BEGAIN: variants seen among roughly 807,000 people sequenced by gnomAD.
BEGAIN encodes the protein brain-enriched guanylate kinase-associated protein.
A neutral mutation model predicts 35.8 loss-of-function variants in BEGAIN; 19 were observed. The observed-to-expected ratio is 0.53, with a 90% CI of 0.37 to 0.78. BEGAIN has a LOEUF of 0.78. Among genes scored for constraint, BEGAIN ranks in the 30% least tolerant of loss-of-function variants. BEGAIN has a pLI of 0.00. For missense variants in BEGAIN, 795 were observed against 853.6 expected (o/e 0.93, Z 0.85); for synonymous variants, 462 against 388.6 (o/e 1.19, Z -2.22).
At position 100,568,779 on chromosome 14, in the gene BEGAIN, C is replaced by T. The variant is rs182142887; in HGVS notation, c.43-840G>A. On this transcript the variant is annotated intron_variant, in intron 1 of 6. Coordinates refer to ENST00000554140, the MANE Select transcript of BEGAIN (RefSeq NM_001385089.1). This position sits in a 1 kb window ranked among gnomAD's most constrained non-coding sequence, Gnocchi z 7.5. ...CGCACTTCCTGCGTGGAGCTGGGGG[C>T]GCCGGGCGGGCTCTCTATCACCCGG... The T allele has an allele frequency of 9.2e-4, 752 of 815,816 alleles. 8 individuals carry two copies. In the African/African-American group the frequency reaches 0.014, roughly 15 times the overall value. The allele number at this position is 815,816 out of a possible 1,614,324, so 50.5% of individuals were successfully genotyped here. A position where few individuals can be genotyped will look rare whatever the true frequency, so the allele number is the denominator to read the frequency against.
chr14:100,554,120 G>A (rs2081017703), intron 2 of BEGAIN, among the ~76,000 whole-genome samples: 2 of 152,200 alleles, frequency 1.3e-5, no homozygotes. Flanking sequence ...TGAGCTCCAG[G>A]GCCCCTGGTG....
intron 2 of BEGAIN, chr14:100,546,970 C>A: frequency 3.8e-6 from 1 of 263,424 alleles, no homozygotes; most frequent in Non-Finnish European, 7.3e-6. Flanking sequence ...AGTCTTTGAC[C>A]CCAGAACCTG....
Position 100,573,200 on chromosome 14 carries a change from A to T in BEGAIN, c.43-5261T>A, listed in dbSNP as rs530677220. Reference sequence around the variant, plus strand: ...TGAGTCTGGGGGGAGGGGCTTCCGGAGGAGGGGGCTGGTGAGTCTGGGGGG... The same window carrying T: ...TGAGTCTGGGGGGAGGGGCTTCCGGTGGAGGGGGCTGGTGAGTCTGGGGGG... On this transcript the variant is annotated intron_variant, in intron 1 of 6. Coordinates refer to ENST00000554140, the MANE Select transcript of BEGAIN (RefSeq NM_001385089.1). The surrounding 1 kb of genome is among the most constrained non-coding windows in gnomAD (Gnocchi z 4.2). Among the ~76,000 whole-genome samples, 1 of 113,014 alleles carries T rather than the reference A, an allele frequency of 8.8e-6. No individual in the cohort carries two copies. The highest frequency in any genetic ancestry group is 1.8e-5 in the Non-Finnish European group (1 of 54,658). The allele number at this position is 113,014 out of a possible 152,430, so 74.1% of individuals were successfully genotyped here. A position where few individuals can be genotyped will look rare whatever the true frequency, so the allele number is the denominator to read the frequency against.
intron 2 of BEGAIN, among the ~76,000 whole-genome samples, chr14:100,556,195 G>A (rs1159687153): frequency 6.6e-6 from 1 of 152,038 alleles, no homozygotes; most frequent in Non-Finnish European, 1.5e-5. Context: ...TCCTTCACTG[G>A]CCACACCTCT....
intron 1 of BEGAIN, among the ~76,000 whole-genome samples, chr14:100,571,673 C>T (rs1357467019): frequency 6.6e-6 from 1 of 152,132 alleles, no homozygotes; most frequent in Admixed American, 6.5e-5. Flanking sequence ...TCTGTGCCAC[C>T]TGTCAGGCCT....
chr14:100,570,967 A>C (rs543796258), intron 1 of BEGAIN, among the ~76,000 whole-genome samples: 1 of 152,184 alleles, frequency 6.6e-6, no homozygotes, highest in African/African-American at 2.4e-5. Flanking sequence ...GGGGGCCATG[A>C]GGATGAGGAG....
rs2035136418 is a variant in BEGAIN, at chr14:100,573,537, AC to A, written c.43-5599del. On this transcript the variant is annotated intron_variant, in intron 1 of 6. Transcript: ENST00000554140. This position sits in a 1 kb window ranked among gnomAD's most constrained non-coding sequence, Gnocchi z 4.2. ...CTGTGTGGAGAGGGGCAAGTGCAGG[AC>A]CCCAGGGCATCCAGCCAGGCCCACG... Among the ~76,000 whole-genome samples, 1 of 151,952 alleles carries A rather than the reference AC, an allele frequency of 6.6e-6. No individual in the cohort carries two copies. Among genetic ancestry groups the A allele is most frequent in the Non-Finnish European group, 1.5e-5 (1 of 67,962 alleles).
chr14:100,552,447 A>G (rs2033297853), intron 2 of BEGAIN, among the ~76,000 whole-genome samples: 1 of 152,240 alleles, frequency 6.6e-6, no homozygotes, highest in South Asian at 2.1e-4. Context: ...GAAGTTAAGC[A>G]ACAGGCCCAA....
chr14:100,583,656 T>C (rs2035369442), intron 1 of BEGAIN, among the ~76,000 whole-genome samples: 1 of 150,726 alleles, frequency 6.6e-6, no homozygotes, highest in South Asian at 2.1e-4. Context: ...CTTTTCTTTT[T>C]TTCTTTCTTT....
rs2030993174 is a variant in BEGAIN at position 100,538,601 on chromosome 14, C to T, written c.1207G>A (p.Ala403Thr). 2 of 1,548,556 alleles carry T rather than the reference C, an allele frequency of 1.3e-6. No individual in the cohort carries two copies. Among genetic ancestry groups the T allele is most frequent in the Non-Finnish European group, 1.7e-6 (2 of 1,146,092 alleles). The change falls in exon 7 of 7, where the codon GCC becomes ACC. Residue 403 changes from alanine to threonine, a missense_variant. Transcript: ENST00000554140. ...AGGGCCTGCTGGGGACCCGGAGAGG[C>T]CGGGAAGCGGAAGGTCTCGGCCGGG... ...PYPAETFRFP[A>T]SPGPQQALMP...
chr14:100,559,275 G>A (rs1486487462), intron 2 of BEGAIN, among the ~76,000 whole-genome samples: 1 of 152,118 alleles, frequency 6.6e-6, no homozygotes, highest in Non-Finnish European at 1.5e-5. Flanking sequence ...ACCACTGATC[G>A]CTACTCCCTC....
chr14:100,573,059 G>C lies in BEGAIN; in HGVS notation c.43-5120C>G, dbSNP rs2035119937. On this transcript the variant is annotated intron_variant, in intron 1 of 6. Transcript: ENST00000554140. This position sits in a 1 kb window ranked among gnomAD's most constrained non-coding sequence, Gnocchi z 4.2. ...CGACGGGGATATGTGTACAGAGAAGGATGGGAGGCAGGGTGGGGCAGGAAA... is the reference window on the plus strand; with the variant it reads ...CGACGGGGATATGTGTACAGAGAAGCATGGGAGGCAGGGTGGGGCAGGAAA... 6.6e-6 allele frequency among the ~76,000 whole-genome samples: 1 copy of C among 151,962 alleles called. No homozygotes were observed. The highest frequency in any genetic ancestry group is 2.1e-4 in the South Asian group (1 of 4,800).
chr14:100,564,298 A>G (rs1325937532), intron 2 of BEGAIN, among the ~76,000 whole-genome samples: 2 of 151,936 alleles, frequency 1.3e-5, no homozygotes, highest in Admixed American at 1.3e-4. Flanking sequence ...GAAAAATTCT[A>G]TTTTGGGGGG....
In BEGAIN at chr14:100,538,142, G is replaced by C; in HGVS notation, c.1666C>G (p.Pro556Ala). The C allele has an allele frequency of 6.5e-7, 1 of 1,537,710 alleles. No individual in the cohort carries two copies. Among genetic ancestry groups the C allele is most frequent in the Non-Finnish European group, 8.7e-7 (1 of 1,145,194 alleles). The change falls in exon 7 of 7, where the codon CCC becomes GCC. Residue 556 changes from proline to alanine, a missense_variant. Pro to Ala is a conservative substitution (Grantham distance 27). Transcript: ENST00000554140. ...QLCGTASSPE[P>A]EQGSRDSLEP... The stretch of plus-strand genomic sequence containing the variant: ...AAGGAGTCCCTGGAACCCTGCTCGG[G>C]CTCAGGGCTGCTGGCGGTCCCACAC...
At chr14:100,572,094 G>A (rs573596659) in intron 1 of BEGAIN, among the ~76,000 whole-genome samples, 1 of 152,290 alleles carries the variant, frequency 6.6e-6, no homozygotes, top group South Asian at 2.1e-4. Context: ...TGCTCTCACA[G>A]CAGGGTCCTC....
At chr14:100,583,935 G>C (rs1227665313) in intron 1 of BEGAIN, among the ~76,000 whole-genome samples, 1 of 152,072 alleles carries the variant, frequency 6.6e-6, no homozygotes, top group Non-Finnish European at 1.5e-5. Context: ...CTGACCTCAG[G>C]TGGTCCACTC....
chr14:100,554,031 C>T (rs553597169), intron 2 of BEGAIN, among the ~76,000 whole-genome samples: 21 of 152,340 alleles, frequency 1.4e-4, no homozygotes, highest in South Asian at 1.2e-3. Context: ...TCCTCCGTCA[C>T]GGGGGGCCAC....
intron 1 of BEGAIN, among the ~76,000 whole-genome samples, chr14:100,580,070 C>T (rs1046939227): frequency 5.9e-5 from 9 of 152,140 alleles, no homozygotes; most frequent in South Asian, 2.1e-4. Context: ...TTTGGGAGGC[C>T]GAGGCAGGCG....
Position 100,539,174 on chromosome 14 carries a change from C to A in BEGAIN, c.634G>T (p.Ala212Ser). 6.3e-7 allele frequency: 1 copy of A among 1,581,582 alleles called. No individual in the cohort carries two copies. The highest frequency in any genetic ancestry group is 1.2e-5 in the South Asian group (1 of 86,824). The change falls in exon 7 of 7, where the codon GCC becomes TCC. Residue 212 changes from alanine to serine, a missense_variant. Ala to Ser is a moderately conservative substitution (Grantham distance 99, BLOSUM62 1). Transcript: ENST00000554140. The part of the protein sequence containing the change: ...IAKVLEKPDP[A>S]SLSSRLSDAS... ...TCGGACAGGCGGGAGGACAGGCTGG[C>A]GGGGTCCGGCTTCTCCAGCACCTTG...
Sources: gnomAD v4.1 joint callset for allele counts (sites outside exome capture counted in the v4.1 genomes callset) on GRCh38, gnomAD v4.1.1 for gene constraint, Gnocchi (gnomAD v3.1) non-coding constraint, MANE v1.5 for transcripts, NCBI Gene and HGNC (gene_info 2026-07-23, HGNC 2026-07-21) for gene names.